CHP2: variants seen among roughly 807,000 people sequenced by gnomAD.
The protein encoded by CHP2 is calcineurin like EF-hand protein 2, also known as calcineurin B homologous protein 2.
In CHP2, 31 loss-of-function variants were observed where a neutral mutation model predicts 24.7. That is an observed-to-expected ratio of 1.26 (90% CI 0.94 to 1.69). The LOEUF (loss-of-function observed/expected upper bound fraction) is 1.69, where lower values mean the gene tolerates loss of function less well. CHP2 is among the 40% of genes most tolerant of loss of function. The pLI, the probability that CHP2 is intolerant of heterozygous loss-of-function variation, is 0.00. For missense variants in CHP2, 319 were observed against 261.5 expected (o/e 1.22, Z -1.52); for synonymous variants, 97 against 99.1 (o/e 0.98, Z 0.13).
Position 23,756,211 on chromosome 16 carries a change from T to G in CHP2, c.352+18T>G. The G allele has an allele frequency of 6.2e-7, 1 of 1,613,406 alleles. No individual in the cohort carries two copies. The highest frequency in any genetic ancestry group is 8.5e-7 in the Non-Finnish European group (1 of 1,179,950). Reference sequence around the variant, plus strand: ...ACTTCACTGTGAGTTTGTGAGGACCTGCACAAGTGAGAATGCAGATGTACC... The same window carrying G: ...ACTTCACTGTGAGTTTGTGAGGACCGGCACAAGTGAGAATGCAGATGTACC... On this transcript the variant is annotated intron_variant, in intron 4 of 6. Coordinates refer to ENST00000300113, the MANE Select transcript of CHP2 (RefSeq NM_022097.4).
Position 23,757,744 on chromosome 16 carries a change from C to A in CHP2, c.*161C>A. ...AAGCTGGAAGGATGTGTACTAAAGT[C>A]TAGCTCAGCAGTCCCCAACCTTTTT... is the stretch of plus-strand genomic sequence containing the variant. On this transcript the variant is annotated 3_prime_UTR_variant, in exon 7 of 7. Coordinates refer to ENST00000300113, the MANE Select transcript of CHP2 (RefSeq NM_022097.4). 1 of 709,852 alleles carries A rather than the reference C, an allele frequency of 1.4e-6. No homozygotes were observed. The highest frequency in any genetic ancestry group is 2.5e-6 in the Non-Finnish European group (1 of 401,342). 44.0% of individuals were successfully genotyped at this position (709,852 alleles called of 1,614,324 possible).
At position 23,757,659 on chromosome 16, in the gene CHP2, G is replaced by A. The variant is rs1961246354; in HGVS notation, c.*76G>A. On this transcript the variant is annotated 3_prime_UTR_variant, in exon 7 of 7. Coordinates refer to ENST00000300113, the MANE Select transcript of CHP2 (RefSeq NM_022097.4). ...CATCCAAAGCCCCCATGGACGCATGGACGCAGGGCGACAATAAACTGTATT... is the reference window on the plus strand; with the variant it reads ...CATCCAAAGCCCCCATGGACGCATGAACGCAGGGCGACAATAAACTGTATT... 6 of 1,212,058 alleles carry A rather than the reference G, an allele frequency of 5.0e-6. No individual in the cohort carries two copies. In the East Asian group the frequency reaches 1.4e-4, roughly 28 times the overall value. The allele number at this position is 1,212,058 out of a possible 1,614,324, so 75.1% of individuals were successfully genotyped here.
intron 5 of CHP2, 43 bp downstream of exon 5, chr16:23,756,492 G>A: frequency 1.3e-6 from 2 of 1,535,796 alleles, no homozygotes; most frequent in Non-Finnish European, 1.8e-6. Context: ...TGTGAAGGAT[G>A]GGATGGTTAA....
rs1055357010 is a variant in CHP2 at position 23,755,487 on chromosome 16, C to A, written c.68-174C>A. The A allele has an allele frequency of 4.7e-6, 3 of 631,914 alleles. No individual in the cohort carries two copies. In the Admixed American group the frequency reaches 8.0e-5, roughly 17 times the overall value. The allele number at this position is 631,914 out of a possible 1,614,324, so 39.1% of individuals were successfully genotyped here. ...CCCGGGTCTTGAACCTGGATCTTCG[C>A]GGGGTCGTGTCACTCTCCCTCCGCC... is the stretch of plus-strand genomic sequence containing the variant. On this transcript the variant is annotated intron_variant, in intron 1 of 6. Transcript: ENST00000300113.
Position 23,755,968 on chromosome 16 carries a change from C to T in CHP2, c.221+41C>T, listed in dbSNP as rs781269524. On this transcript the variant is annotated intron_variant, in intron 3 of 6. Transcript: ENST00000300113. The stretch of plus-strand genomic sequence containing the variant: ...CGTGGGGAGGTGAAGGCGGGAAAAC[C>T]GGTGTGTGAGTGGGTGGGAGGGGAG... The T allele has an allele frequency of 2.5e-6, 4 of 1,613,624 alleles. No homozygotes were observed. The South Asian group carries it at 3.3e-5, about 13-fold the overall frequency.
In CHP2 at chr16:23,757,548, G is replaced by T. The variant is rs149498782; in HGVS notation, c.556G>T (p.Val186Phe). 2.9e-5 allele frequency: 46 copies of T among 1,614,028 alleles called. No homozygotes were observed. Among genetic ancestry groups the T allele is most frequent in the Non-Finnish European group, 3.7e-5 (44 of 1,179,974 alleles). The change falls in exon 7 of 7, where the codon GTT (valine) becomes TTT (phenylalanine). Residue 186 changes from valine (V) to phenylalanine (F), a missense_variant. By Grantham distance (50) the Val-to-Phe change is conservative. Transcript: ENST00000300113. The part of the protein sequence containing the change: ...EFTKSLEKMD[V>F]EQKMSIRILK ...CCCTCAGTCCTTAGAGAAGATGGAC[G>T]TTGAGCAAAAAATGAGCATCCGGAT... is the stretch of plus-strand genomic sequence containing the variant.
At position 23,756,463 on chromosome 16, in the gene CHP2, G is replaced by A. The variant is rs781537387; in HGVS notation, c.414+14G>A. On this transcript the variant is annotated intron_variant, in intron 5 of 6. Transcript: ENST00000300113. ...GAGATGCTGCAGGTTGGCAGAAAGCGAGAGCAAGAGATGTGATGTGTGAAG... is the reference window on the plus strand; with the variant it reads ...GAGATGCTGCAGGTTGGCAGAAAGCAAGAGCAAGAGATGTGATGTGTGAAG... 41 of 1,608,132 alleles carry A rather than the reference G, an allele frequency of 2.5e-5. No individual in the cohort carries two copies. Among genetic ancestry groups the A allele is most frequent in the Non-Finnish European group, 3.0e-5 (35 of 1,174,656 alleles).
intron 4 of CHP2, 60 bp downstream of exon 4, chr16:23,756,253 T>C: frequency 6.2e-7 from 1 of 1,603,974 alleles, no homozygotes; most frequent in Non-Finnish European, 8.5e-7. Flanking sequence ...AGGGACAGGC[T>C]CCAGGGATCT....
chr16:23,757,583 A>T lies in CHP2; in HGVS notation c.591A>T (p.Ter197CysextTer31). Residue 197 changes from the stop codon to cysteine (C), a stop_lost, in exon 7 of 7, where the codon TGA becomes TGT. Transcript: ENST00000300113. ...EQKMSIRILK[*>C] ...AAATGAGCATCCGGATCCTGAAGTG[A>T]CTCCGTTTGTGCCTTGGGCTTGCTC... 3 of 1,613,570 alleles carry T rather than the reference A, an allele frequency of 1.9e-6. No individual in the cohort carries two copies. The highest frequency in any genetic ancestry group is 2.5e-6 in the Non-Finnish European group (3 of 1,179,824).
intron 3 of CHP2, 52 bp from the exon 4 acceptor site, chr16:23,756,011 A>G (rs1340441744): frequency 1.2e-6 from 2 of 1,613,764 alleles, no homozygotes; most frequent in Non-Finnish European, 1.7e-6. Flanking sequence ...ACGGAGGCAA[A>G]GTGATGGCCA....
chr16:23,755,180 G>C (rs906854705), intron 1 of CHP2, 64 bp downstream of exon 1: 2 of 1,268,994 alleles, frequency 1.6e-6, no homozygotes, highest in Non-Finnish European at 2.2e-6. Flanking sequence ...TGGGGCTAGG[G>C]AAGGGGTTGG....
chr16:23,755,246 G>T, intron 1 of CHP2, 130 bp downstream of exon 1: 1 of 664,792 alleles, frequency 1.5e-6, no homozygotes, highest in East Asian at 2.9e-5. Flanking sequence ...GGAGCTGGAA[G>T]ACCAAGGCCC....
chr16:23,757,198 C>T lies in CHP2; in HGVS notation c.415-3C>T, dbSNP rs370235346. The T allele has an allele frequency of 1.3e-5, 21 of 1,613,956 alleles. No individual in the cohort carries two copies. The highest frequency in any genetic ancestry group is 1.8e-5 in the Non-Finnish European group (21 of 1,180,026). On this transcript the variant is annotated splice_region_variant and splice_polypyrimidine_tract_variant and intron_variant, in intron 5 of 6. Coordinates refer to ENST00000300113, the MANE Select transcript of CHP2 (RefSeq NM_022097.4). ...TATGGCTGCCTCTTCACTCATCTCT[C>T]AGGTTCTCCGTCTGATGGTTGGGGT...
rs1961249265 is a variant in CHP2, at chr16:23,757,924, G to C, written c.*341G>C. 2.7e-6 allele frequency: 1 copy of C among 377,036 alleles called. No homozygotes were observed. Among genetic ancestry groups the C allele is most frequent in the Non-Finnish European group, 5.1e-6 (1 of 197,626 alleles). The allele number at this position is 377,036 out of a possible 1,614,324, so 23.4% of individuals were successfully genotyped here. A position where few individuals can be genotyped will look rare whatever the true frequency, so the allele number is the denominator to read the frequency against. The stretch of plus-strand genomic sequence containing the variant: ...AACTCACCATAATGTAGAATCAGCA[G>C]GAGCCCTGAGCTTGTTTTCCTGCAA... On this transcript the variant is annotated 3_prime_UTR_variant, in exon 7 of 7. Transcript: ENST00000300113.
Position 23,756,053 on chromosome 16 carries a change from G to A in CHP2, c.222-10G>A. 7.4e-6 allele frequency: 12 copies of A among 1,613,986 alleles called. No individual in the cohort carries two copies. Among genetic ancestry groups the A allele is most frequent in the Admixed American group, 5.0e-5 (3 of 60,008 alleles). On this transcript the variant is annotated splice_polypyrimidine_tract_variant and intron_variant, in intron 3 of 6. Transcript: ENST00000300113. ...CCACCACCTCTTTCCATTCTGTCCCGTCTCCCCAGGAGCCAGCGAGTGGAT... is the reference window on the plus strand; with the variant it reads ...CCACCACCTCTTTCCATTCTGTCCCATCTCCCCAGGAGCCAGCGAGTGGAT...
chr16:23,756,118 G>A lies in CHP2; in HGVS notation c.277G>A (p.Val93Ile). The change falls in exon 4 of 7, where the codon GTA becomes ATA. Residue 93 changes from valine (V) to isoleucine (I), a missense_variant. By Grantham distance (29) the Val-to-Ile change is conservative. Coordinates refer to ENST00000300113, the MANE Select transcript of CHP2 (RefSeq NM_022097.4). ...CAGGGTCTTGGCTCATTTTCGCCCT[G>A]TAGAAGATGAGGACACAGAAACCCA... ...FVRVLAHFRP[V>I]EDEDTETQDP... The A allele has an allele frequency of 6.2e-7, 1 of 1,614,156 alleles. No individual in the cohort carries two copies. The highest frequency in any genetic ancestry group is 8.5e-7 in the Non-Finnish European group (1 of 1,180,030).
chr16:23,755,476 C>T (rs1201881682), intron 1 of CHP2, 185 bp from the exon 2 acceptor site: 6 of 623,050 alleles, frequency 9.6e-6, no homozygotes, highest in Non-Finnish European at 1.7e-5. Flanking sequence ...GGTCTTGAAC[C>T]TGGATCTTCG....
intron 1 of CHP2, chr16:23,755,392 C>G: frequency 3.3e-6 from 2 of 598,688 alleles, no homozygotes; most frequent in Non-Finnish European, 5.9e-6. Context: ...CGGCTCGAAG[C>G]TGAAGGCAGA....
intron 6 of CHP2, 81 bp from the exon 7 acceptor site, chr16:23,757,449 G>A: frequency 3.2e-6 from 5 of 1,580,772 alleles, no homozygotes; most frequent in Non-Finnish European, 4.3e-6. Flanking sequence ...TCTCTGGAAT[G>A]GGTAGAACCC....
Sources: gnomAD v4.1 joint callset for allele counts on GRCh38, gnomAD v4.1.1 for gene constraint, MANE v1.5 for transcripts, NCBI Gene and HGNC (gene_info 2026-07-23, HGNC 2026-07-21) for gene names.